CUL2: variants seen among roughly 807,000 people sequenced by gnomAD.
CUL2 encodes cullin 2.
CUL2 carries 22 observed loss-of-function variants against 110.2 expected under a neutral mutation model. The observed-to-expected ratio is 0.20, with a 90% CI of 0.14 to 0.28. CUL2 has a LOEUF of 0.28. Ranked by LOEUF, CUL2 falls within the 10% of genes least tolerant of loss-of-function variation. The pLI, the probability that CUL2 is intolerant of heterozygous loss-of-function variation, is 1.00. For missense variants in CUL2, 631 were observed against 905.5 expected (o/e 0.70, Z 3.89); for synonymous variants, 279 against 293.2 (o/e 0.95, Z 0.49).
intron 9 of CUL2, among the ~76,000 whole-genome samples, chr10:35,038,610 A>G (rs2085694530): frequency 1.4e-5 from 2 of 144,912 alleles, no homozygotes; most frequent in South Asian, 4.4e-4. Flanking sequence ...TAATATTTGT[A>G]TTTCCTTTTT....
chr10:35,039,652 G>T (rs934174868), intron 8 of CUL2, among the ~76,000 whole-genome samples: 1 of 152,110 alleles, frequency 6.6e-6, no homozygotes, highest in Non-Finnish European at 1.5e-5. Context: ...ATCATCTGAG[G>T]TCAGGAGTTT....
chr10:35,066,980 C>T (rs182985611), intron 2 of CUL2, among the ~76,000 whole-genome samples: 6 of 151,902 alleles, frequency 3.9e-5, no homozygotes, highest in Non-Finnish European at 8.8e-5. Context: ...AAAGAGATGC[C>T]TGATAGAATA....
chr10:35,067,621 G>A (rs1332279447), intron 2 of CUL2, among the ~76,000 whole-genome samples: 3 of 151,790 alleles, frequency 2.0e-5, no homozygotes, highest in African/African-American at 7.3e-5. Flanking sequence ...TCATGCACAT[G>A]TAATCCCAGC....
intron 1 of CUL2, among the ~76,000 whole-genome samples, chr10:35,123,549 T>C (rs1475895119): frequency 1.3e-5 from 2 of 152,314 alleles, no homozygotes; most frequent in African/African-American, 2.4e-5. Context: ...GCATTTAGCA[T>C]AGGGCCTGGA....
chr10:35,097,255 C>A (rs1253630352), intron 2 of CUL2, among the ~76,000 whole-genome samples: 1 of 152,072 alleles, frequency 6.6e-6, no homozygotes, highest in Non-Finnish European at 1.5e-5. Flanking sequence ...GAACTTCCTG[C>A]GAACCTCTTT....
At chr10:35,109,274 C>T (rs1029967793) in intron 1 of CUL2, among the ~76,000 whole-genome samples, 1 of 152,108 alleles carries the variant, frequency 6.6e-6, no homozygotes, top group Non-Finnish European at 1.5e-5. Context: ...AACAAAAAAC[C>T]TGACCGTCAT....
At chr10:35,105,234 G>A (rs1466932191) in intron 1 of CUL2, among the ~76,000 whole-genome samples, 1 of 151,020 alleles carries the variant, frequency 6.6e-6, no homozygotes, top group East Asian at 2.0e-4. Flanking sequence ...GACCATCCTG[G>A]TTAACACCGT....
intron 1 of CUL2, among the ~76,000 whole-genome samples, chr10:35,088,044 C>T (rs945692075): frequency 2.0e-5 from 3 of 152,194 alleles, no homozygotes; most frequent in Non-Finnish European, 2.9e-5. Flanking sequence ...CTCAGAATTT[C>T]AAACTTCACC....
chr10:35,020,436 G>T (rs1231708360), intron 17 of CUL2, among the ~76,000 whole-genome samples: 1 of 152,170 alleles, frequency 6.6e-6, no homozygotes, highest in African/African-American at 2.4e-5. Context: ...GAAAACAAAA[G>T]CAGGACAAAT....
intron 20 of CUL2, among the ~76,000 whole-genome samples, chr10:35,011,454 C>T (rs548948886): frequency 3.9e-5 from 6 of 151,928 alleles, no homozygotes; most frequent in African/African-American, 7.2e-5. Context: ...CCTGTCTCTA[C>T]GAAAAATACA....
chr10:35,015,553 G>A (rs1018551608), intron 18 of CUL2, among the ~76,000 whole-genome samples: 1 of 152,072 alleles, frequency 6.6e-6, no homozygotes, highest in Non-Finnish European at 1.5e-5. Context: ...ACAATAATTT[G>A]AAGGAGATAT....
chr10:35,047,538 A>G (rs1424149615), intron 6 of CUL2, among the ~76,000 whole-genome samples: 6 of 150,978 alleles, frequency 4.0e-5, no homozygotes, highest in Non-Finnish European at 8.8e-5. Flanking sequence ...TGAACCCAGC[A>G]GGCAGAAGTT....
chr10:35,012,118 C>T (rs1402386644), intron 19 of CUL2, among the ~76,000 whole-genome samples, 154 bp from the exon 20 acceptor site: 3 of 150,206 alleles, frequency 2.0e-5, no homozygotes, highest in African/African-American at 7.4e-5. Flanking sequence ...CAGTGACTCG[C>T]TCTCAGCTCA....
chr10:35,058,877 G>A (rs2086311130), intron 4 of CUL2, among the ~76,000 whole-genome samples: 1 of 152,170 alleles, frequency 6.6e-6, no homozygotes, highest in Admixed American at 6.5e-5. Context: ...AACCTTGATT[G>A]AGACAGCTGC....
chr10:35,123,758 A>AGTTGGAAAT (rs1217802301), intron 1 of CUL2, among the ~76,000 whole-genome samples: 1 of 152,232 alleles, frequency 6.6e-6, no homozygotes, highest in Non-Finnish European at 1.5e-5. Context: ...TGAACCTATG[A>AGTTGGAAAT]GTTGGAAATG....
intron 10 of CUL2, among the ~76,000 whole-genome samples, chr10:35,033,756 C>CAAAAA (rs66943310): frequency 7.4e-6 from 1 of 134,626 alleles, no homozygotes; most frequent in Non-Finnish European, 1.6e-5. Context: ...ACAACAACAA[C>CAAAAA]AAAAAAAAAA....
chr10:35,123,256 T>C (rs1589075363), intron 1 of CUL2, among the ~76,000 whole-genome samples: 3 of 152,258 alleles, frequency 2.0e-5, no homozygotes, highest in Non-Finnish European at 4.4e-5. Flanking sequence ...AATTAAAATG[T>C]CATTTATTTT....
chr10:35,107,734 T>G (rs1387110883), intron 1 of CUL2, among the ~76,000 whole-genome samples: 1 of 151,396 alleles, frequency 6.6e-6, no homozygotes, highest in Non-Finnish European at 1.5e-5. Context: ...TACAAAAAAT[T>G]AGCCAGGCGT....
At chr10:35,112,195 CA>C (rs2087531787) in intron 1 of CUL2, among the ~76,000 whole-genome samples, 1 of 152,172 alleles carries the variant, frequency 6.6e-6, no homozygotes, top group African/African-American at 2.4e-5. Flanking sequence ...TTTAGTCTTA[CA>C]AAAATTTGTT....
Sources: allele counts gnomAD v4.1 joint callset (sites outside exome capture counted in the v4.1 genomes callset), GRCh38; gene constraint gnomAD v4.1.1; transcripts MANE v1.5; gene names NCBI Gene and HGNC (gene_info 2026-07-23, HGNC 2026-07-21).